ABCE1: variants seen among roughly 807,000 people sequenced by gnomAD.
ABCE1 encodes the protein ATP-binding cassette sub-family E member 1.
ABCE1 carries 22 observed loss-of-function variants against 83.4 expected under a neutral mutation model. The ratio of observed to expected loss-of-function variants is 0.26; its 90% CI spans 0.19 to 0.38. The LOEUF (loss-of-function observed/expected upper bound fraction) is 0.38, where lower values mean the gene tolerates loss of function less well. Among genes scored for constraint, ABCE1 ranks in the 10% least tolerant of loss-of-function variants. The pLI is 1.00. For missense variants in ABCE1, 330 were observed against 721.9 expected (o/e 0.46, Z 6.22); for synonymous variants, 204 against 233.7 (o/e 0.87, Z 1.16).
chr4:145,106,037 A>G (rs915999216), intron 3 of ABCE1, among the ~76,000 whole-genome samples: 1 of 151,908 alleles, frequency 6.6e-6, no homozygotes, highest in Admixed American at 6.6e-5. Flanking sequence ...AGAAATGCAC[A>G]CAGCCAAAAA....
chr4:145,110,064 T>C, intron 5 of ABCE1, 39 bp from the exon 6 acceptor site: 1 of 1,494,012 alleles, frequency 6.7e-7, no homozygotes, highest in South Asian at 1.3e-5. Context: ...CATTGTATTA[T>C]TAAATTCACA....
intron 9 of ABCE1, among the ~76,000 whole-genome samples, chr4:145,114,457 A>G (rs1307417961): frequency 1.3e-5 from 2 of 152,126 alleles, no homozygotes; most frequent in Non-Finnish European, 2.9e-5. Flanking sequence ...ATATCAAATC[A>G]TGTCCTAACA....
chr4:145,107,962 G>A, intron 3 of ABCE1, 53 bp from the exon 4 acceptor site: 2 of 1,354,930 alleles, frequency 1.5e-6, no homozygotes, highest in South Asian at 1.3e-5. Flanking sequence ...TTTTAGTTAT[G>A]TGTATATGTC....
rs1449131542 is a variant in ABCE1 at position 145,124,994 on chromosome 4, C to G, written c.1645C>G (p.Gln549Glu). The change falls in exon 17 of 18, where the codon CAA becomes GAA. Residue 549 changes from glutamine to glutamate, a missense_variant. Coordinates refer to ENST00000296577, the MANE Select transcript of ABCE1 (RefSeq NM_002940.3). ...TGATTTTTTTTTTTCTCTTAGTCCT[C>G]AAACCCTTTTGGCTGGCATGAATAA... is the stretch of plus-strand genomic sequence containing the variant. ...PSKNTVANSP[Q>E]TLLAGMNKFL... 1 of 1,607,956 alleles carries G rather than the reference C, an allele frequency of 6.2e-7. No individual in the cohort carries two copies.
intron 17 of ABCE1, among the ~76,000 whole-genome samples, chr4:145,126,121 T>A (rs1185286074): frequency 6.6e-6 from 1 of 152,186 alleles, no homozygotes; most frequent in Non-Finnish European, 1.5e-5. Flanking sequence ...AAACATTGTG[T>A]CTACTTAATT....
At chr4:145,101,823 G>A (rs1749162334) in intron 1 of ABCE1, among the ~76,000 whole-genome samples, 1 of 152,184 alleles carries the variant, frequency 6.6e-6, no homozygotes, top group African/African-American at 2.4e-5. Context: ...AGCTTAGTTG[G>A]GAGATTCCTC....
intron 4 of ABCE1, 80 bp downstream of exon 4, chr4:145,108,192 T>G: frequency 8.0e-7 from 1 of 1,250,058 alleles, no homozygotes; most frequent in African/African-American, 1.5e-5. Flanking sequence ...GTGCAGAAAT[T>G]GGGGGGAAAT....
intron 17 of ABCE1, among the ~76,000 whole-genome samples, chr4:145,126,878 T>C (rs2126717394): frequency 6.6e-6 from 1 of 152,258 alleles, no homozygotes; most frequent in East Asian, 1.9e-4. Context: ...GAGAAATGGT[T>C]AAGTTCTCAC....
chr4:145,106,026 T>C (rs1288930382), intron 3 of ABCE1, among the ~76,000 whole-genome samples: 1 of 151,946 alleles, frequency 6.6e-6, no homozygotes, highest in Admixed American at 6.6e-5. Context: ...ACCTTTTAAA[T>C]AGAAATGCAC....
At chr4:145,120,302 AT>A (rs1020310834) in intron 11 of ABCE1, 149 bp downstream of exon 11, 12 of 672,478 alleles carry the variant, frequency 1.8e-5, no homozygotes, top group East Asian at 2.9e-5. Flanking sequence ...GTACTTTCAC[AT>A]TTTTTTGGCA....
chr4:145,120,979 C>T (rs112772587), intron 11 of ABCE1, 195 bp from the exon 12 acceptor site: 1 of 564,662 alleles, frequency 1.8e-6, no homozygotes. Flanking sequence ...CTTTATTCCT[C>T]TTAATTACCT....
At chr4:145,118,208 C>T (rs2126710544) in intron 10 of ABCE1, among the ~76,000 whole-genome samples, 1 of 150,988 alleles carries the variant, frequency 6.6e-6, no homozygotes, top group Non-Finnish European at 1.5e-5. Context: ...ATTCATGTAG[C>T]CTGTAGTTCC....
chr4:145,122,868 C>A (rs1449574555), intron 13 of ABCE1, 153 bp from the exon 14 acceptor site: 3 of 554,622 alleles, frequency 5.4e-6, no homozygotes, highest in Middle Eastern at 5.0e-4. Flanking sequence ...TAGAAAATCT[C>A]AAAACATGTC....
intron 16 of ABCE1, among the ~76,000 whole-genome samples, chr4:145,124,662 A>G (rs1158968568): frequency 3.3e-5 from 5 of 152,176 alleles, no homozygotes; most frequent in Admixed American, 6.5e-5. Flanking sequence ...AAAATGTGCA[A>G]TTGGAGATTC....
At chr4:145,122,811 G>GAAA in intron 13 of ABCE1, 1 of 388,770 alleles carries the variant, frequency 2.6e-6, no homozygotes, top group Non-Finnish European at 4.6e-6. Flanking sequence ...TGTCTCAAAA[G>GAAA]AAAAAAAAAA....
Position 145,124,854 on chromosome 4 carries a change from GTTA to G in ABCE1, c.1641-131_1641-129del, listed in dbSNP as rs1308935166. The stretch of plus-strand genomic sequence containing the variant: ...CTGAACACAGGATTTGTAATATGCT[GTTA>G]TTATACTGTTATCCAGATGATTTAT... On this transcript the variant is annotated intron_variant, in intron 16 of 17. Coordinates refer to ENST00000296577, the MANE Select transcript of ABCE1 (RefSeq NM_002940.3). The G allele has an allele frequency of 5.3e-5, 32 of 608,992 alleles. 1 individual carries two copies. The highest frequency in any genetic ancestry group is 4.9e-4 in the South Asian group (23 of 46,662). The allele number at this position is 608,992 out of a possible 1,614,324, so 37.7% of individuals were successfully genotyped here. A position where few individuals can be genotyped will look rare whatever the true frequency, so the allele number is the denominator to read the frequency against.
At chr4:145,107,258 TC>T (rs1749334407) in intron 3 of ABCE1, among the ~76,000 whole-genome samples, 1 of 151,968 alleles carries the variant, frequency 6.6e-6, no homozygotes, top group Non-Finnish European at 1.5e-5. Context: ...TAATCCCCAG[TC>T]TGTGCAAATA....
chr4:145,098,804 C>T (rs889916290), intron 1 of ABCE1, among the ~76,000 whole-genome samples: 2 of 152,256 alleles, frequency 1.3e-5, no homozygotes, highest in African/African-American at 4.8e-5. Context: ...TCCTCCAGCA[C>T]CCAAAATGGA....
intron 17 of ABCE1, among the ~76,000 whole-genome samples, chr4:145,125,648 C>T (rs578112326): frequency 6.6e-6 from 1 of 152,216 alleles, no homozygotes; most frequent in East Asian, 1.9e-4. Context: ...CACAGTTGTA[C>T]TACCTATATT....
Sources: gnomAD v4.1 joint callset for allele counts (sites outside exome capture counted in the v4.1 genomes callset) on GRCh38, gnomAD v4.1.1 for gene constraint, MANE v1.5 for transcripts, NCBI Gene and HGNC (gene_info 2026-07-23, HGNC 2026-07-21) for gene names.